ANKMY2: variants seen among roughly 807,000 people sequenced by gnomAD.
ANKMY2 encodes the protein ankyrin repeat and MYND domain containing 2.
Under a neutral mutation model 50.4 loss-of-function variants are expected in ANKMY2, and 36 were observed. That is an observed-to-expected ratio of 0.71 (90% CI 0.55 to 0.94). ANKMY2 has a LOEUF of 0.94. Among genes scored for constraint, ANKMY2 ranks in the 40% least tolerant of loss-of-function variants. ANKMY2 has a pLI of 0.00. For missense variants in ANKMY2, 565 were observed against 524.0 expected (o/e 1.08, Z -0.76); for synonymous variants, 187 against 178.8 (o/e 1.05, Z -0.36).
chr7:16,606,363 A>T (rs994536551), intron 7 of ANKMY2, among the ~76,000 whole-genome samples: 16 of 151,950 alleles, frequency 1.1e-4, no homozygotes, highest in Admixed American at 9.8e-4. Flanking sequence ...CGGGAGGCAG[A>T]GGTTGCAGTA....
At chr7:16,610,866 T>G (rs1781239212) in intron 5 of ANKMY2, 103 bp from the exon 6 acceptor site, 1 of 963,302 alleles carries the variant, frequency 1.0e-6, no homozygotes, top group African/African-American at 1.6e-5. Flanking sequence ...AAAGAAAGCC[T>G]TCCTTAGGAT....
intron 4 of ANKMY2, among the ~76,000 whole-genome samples, chr7:16,624,359 C>A (rs769011488): frequency 1.4e-4 from 22 of 152,240 alleles, no homozygotes; most frequent in Non-Finnish European, 2.5e-4. Flanking sequence ...TACATTATGT[C>A]AAGCAATAGG....
chr7:16,605,888 T>C (rs563952192), intron 7 of ANKMY2, among the ~76,000 whole-genome samples: 1 of 152,050 alleles, frequency 6.6e-6, no homozygotes, highest in Admixed American at 6.5e-5. Flanking sequence ...TTTCACCGTG[T>C]CAGCCAGGAT....
chr7:16,642,253 T>C (rs905710616), intron 1 of ANKMY2, among the ~76,000 whole-genome samples: 1 of 152,228 alleles, frequency 6.6e-6, no homozygotes, highest in African/African-American at 2.4e-5. Context: ...TATTTCATAA[T>C]AGTGCTTGCT....
In ANKMY2 at chr7:16,615,735, CCA is replaced by C; in HGVS notation, c.531+7_531+8del. The C allele has an allele frequency of 6.2e-7, 1 of 1,614,114 alleles. No homozygotes were observed. On this transcript the variant is annotated splice_region_variant and intron_variant, in intron 5 of 9. Transcript: ENST00000306999. Reference sequence around the variant, plus strand: ...ACATAAAAAGCAAATACGGTAGACACCACACTACCTTGACAGGATGAAGATTC... The same window carrying C: ...ACATAAAAAGCAAATACGGTAGACACCACTACCTTGACAGGATGAAGATTC...
intron 2 of ANKMY2, among the ~76,000 whole-genome samples, chr7:16,631,077 G>C (rs1261244440): frequency 6.6e-6 from 1 of 152,168 alleles, no homozygotes; most frequent in Non-Finnish European, 1.5e-5. Flanking sequence ...AAACCTATCA[G>C]GTTACAGAAG....
chr7:16,635,421 T>A (rs781408472), intron 2 of ANKMY2, among the ~76,000 whole-genome samples: 1 of 152,164 alleles, frequency 6.6e-6, no homozygotes, highest in African/African-American at 2.4e-5. Context: ...ATCTACGTTA[T>A]CTTGATTATA....
In ANKMY2 at chr7:16,645,724, T is replaced by G; in HGVS notation, c.-151A>C. 1 of 834,104 alleles carries G rather than the reference T, an allele frequency of 1.2e-6. No individual in the cohort carries two copies. Among genetic ancestry groups the G allele is most frequent in the Non-Finnish European group, 1.7e-6 (1 of 578,322 alleles). 51.7% of individuals were successfully genotyped at this position (834,104 alleles called of 1,614,324 possible). ...GGAAACGCTTCGCTTCTCTCCTCCC[T>G]CCCGCGGGCTGGCGGACAGCGGGCG... On this transcript the variant is annotated 5_prime_UTR_variant, in exon 1 of 10. Coordinates refer to ENST00000306999, the MANE Select transcript of ANKMY2 (RefSeq NM_020319.3).
chr7:16,638,532 C>G (rs978991310), intron 1 of ANKMY2, among the ~76,000 whole-genome samples: 1 of 152,222 alleles, frequency 6.6e-6, no homozygotes, highest in Non-Finnish European at 1.5e-5. Flanking sequence ...CCAAGAACTT[C>G]CACGAGTTCA....
At chr7:16,619,542 A>G (rs1430665021) in intron 4 of ANKMY2, among the ~76,000 whole-genome samples, 8 of 152,082 alleles carry the variant, frequency 5.3e-5, no homozygotes, top group Admixed American at 5.2e-4. Context: ...GCTTATTTTG[A>G]TATTTTATTT....
At chr7:16,634,357 G>A (rs947252967) in intron 2 of ANKMY2, among the ~76,000 whole-genome samples, 10 of 152,152 alleles carry the variant, frequency 6.6e-5, no homozygotes, top group African/African-American at 2.4e-4. Context: ...ATTGGCTCCT[G>A]CAATTGCCTA....
At chr7:16,615,959 G>A in intron 4 of ANKMY2, 55 bp from the exon 5 acceptor site, 1 of 1,495,454 alleles carries the variant, frequency 6.7e-7, no homozygotes, top group Non-Finnish European at 9.0e-7. Flanking sequence ...TAACACATCT[G>A]GTTTTTAAAA....
chr7:16,639,318 C>G (rs183123961), intron 1 of ANKMY2, among the ~76,000 whole-genome samples: 2 of 152,020 alleles, frequency 1.3e-5, no homozygotes, highest in Admixed American at 6.6e-5. Context: ...TCTGATTTAA[C>G]AAACTGCTGG....
In ANKMY2 at chr7:16,645,557, T is replaced by A. The variant is rs548490844; in HGVS notation, c.17A>T (p.Lys6Ile). The change falls in exon 1 of 10, where the codon AAA becomes ATA. Residue 6 changes from lysine to isoleucine, a missense_variant. Transcript: ENST00000306999. MVHIK[K>I]GELTQEEKEL... ...CTTCTCCTCCTGGGTCAGCTCGCCT[T>A]TCTTTATGTGAACCATTGCTCCCGC... The A allele has an allele frequency of 1.7e-5, 27 of 1,612,132 alleles. No homozygotes were observed. The East Asian group carries it at 5.6e-4, about 33-fold the overall frequency.
intron 1 of ANKMY2, among the ~76,000 whole-genome samples, chr7:16,644,040 G>C (rs1781781040): frequency 6.6e-6 from 1 of 152,182 alleles, no homozygotes; most frequent in Admixed American, 6.5e-5. Flanking sequence ...GCGAGAGAGA[G>C]AGAGGACATG....
chr7:16,643,560 G>A (rs554405629), intron 1 of ANKMY2, among the ~76,000 whole-genome samples: 3 of 152,190 alleles, frequency 2.0e-5, no homozygotes, highest in Non-Finnish European at 4.4e-5. Flanking sequence ...CACCGTGTGA[G>A]CCCAGAAATA....
intron 8 of ANKMY2, among the ~76,000 whole-genome samples, chr7:16,602,798 G>A (rs1233227672): frequency 6.6e-6 from 1 of 152,094 alleles, no homozygotes; most frequent in East Asian, 1.9e-4. Flanking sequence ...AATACTGAGT[G>A]AGTTCTTACA....
intron 7 of ANKMY2, among the ~76,000 whole-genome samples, chr7:16,608,377 G>T (rs1490145193): frequency 2.6e-5 from 4 of 152,208 alleles, no homozygotes; most frequent in Non-Finnish European, 5.9e-5. Flanking sequence ...GAGCACACAT[G>T]AACAAATTAA....
At chr7:16,604,597 A>G in intron 8 of ANKMY2, 124 bp downstream of exon 8, 1 of 1,284,720 alleles carries the variant, frequency 7.8e-7, no homozygotes, top group South Asian at 1.6e-5. Flanking sequence ...ATTAAATAGA[A>G]TATTTTCGTT....
Sources: gnomAD v4.1 joint callset for allele counts (sites outside exome capture counted in the v4.1 genomes callset) on GRCh38, gnomAD v4.1.1 for gene constraint, MANE v1.5 for transcripts, NCBI Gene and HGNC (gene_info 2026-07-23, HGNC 2026-07-21) for gene names.